SLX4IP: variants seen among roughly 807,000 people sequenced by gnomAD.
SLX4IP encodes SLX4 interacting protein.
A neutral mutation model predicts 32.9 loss-of-function variants in SLX4IP; 34 were observed. The observed-to-expected ratio is 1.03, with a 90% CI of 0.79 to 1.38. SLX4IP has a LOEUF of 1.38. Ranked by LOEUF, SLX4IP falls within the 40% of genes most tolerant of loss-of-function variation. The pLI, the probability that SLX4IP is intolerant of heterozygous loss-of-function variation, is 0.00. For missense variants in SLX4IP, 444 were observed against 479.0 expected (o/e 0.93, Z 0.68); for synonymous variants, 172 against 171.7 (o/e 1.00, Z -0.01).
intron 2 of SLX4IP, among the ~76,000 whole-genome samples, chr20:10,524,862 T>A (rs998873096): frequency 1.3e-5 from 2 of 152,210 alleles, no homozygotes; most frequent in African/African-American, 4.8e-5. Context: ...CAGTCATACT[T>A]GCTTGTTCCT....
intron 2 of SLX4IP, among the ~76,000 whole-genome samples, chr20:10,469,084 T>G (rs1392022335): frequency 6.6e-6 from 1 of 152,184 alleles, no homozygotes; most frequent in Non-Finnish European, 1.5e-5. Context: ...TTTACACATT[T>G]GTGTTGGGCT....
intron 3 of SLX4IP, among the ~76,000 whole-genome samples, chr20:10,560,371 G>A (rs927847768): frequency 2.6e-5 from 4 of 152,162 alleles, no homozygotes; most frequent in African/African-American, 9.7e-5. Context: ...TTATATGAAA[G>A]CATTCTTTAC....
At chr20:10,568,280 G>T (rs1218176780) in intron 4 of SLX4IP, among the ~76,000 whole-genome samples, 1 of 152,184 alleles carries the variant, frequency 6.6e-6, no homozygotes, top group Non-Finnish European at 1.5e-5. Context: ...AGATAATGAA[G>T]TTCCCTGTAG....
intron 2 of SLX4IP, among the ~76,000 whole-genome samples, chr20:10,497,561 C>T (rs576544957): frequency 6.6e-6 from 1 of 152,116 alleles, no homozygotes; most frequent in Non-Finnish European, 1.5e-5. Context: ...TATTTCTGCC[C>T]TATTACTTGT....
At chr20:10,447,138 C>A (rs1339167019) in intron 1 of SLX4IP, among the ~76,000 whole-genome samples, 3 of 152,116 alleles carry the variant, frequency 2.0e-5, no homozygotes, top group Non-Finnish European at 4.4e-5. Context: ...AGTTGTTTGA[C>A]CACAGTTTAT....
At chr20:10,506,376 A>T (rs2065759867) in intron 2 of SLX4IP, among the ~76,000 whole-genome samples, 1 of 152,200 alleles carries the variant, frequency 6.6e-6, no homozygotes, top group Non-Finnish European at 1.5e-5. Flanking sequence ...CTTTATTGAA[A>T]AACCCACATT....
intron 2 of SLX4IP, among the ~76,000 whole-genome samples, chr20:10,513,676 T>G (rs1221453154): frequency 6.6e-6 from 1 of 152,206 alleles, no homozygotes; most frequent in Non-Finnish European, 1.5e-5. Flanking sequence ...CCTCTGGCAT[T>G]CCCAGGGTTT....
rs191696705 is a variant in SLX4IP, at chr20:10,471,299, G to T, written c.27+13068G>T. 5.9e-5 allele frequency among the ~76,000 whole-genome samples: 9 copies of T among 152,280 alleles called. 1 individual carries two copies. Among genetic ancestry groups the T allele is most frequent in the Admixed American group, 5.9e-4 (9 of 15,298 alleles). Reference sequence around the variant, plus strand: ...TTATCCTCATCATGCAAGGCCCTGGGTTAGGCACTATAGACACAGATGAGG... The same window carrying T: ...TTATCCTCATCATGCAAGGCCCTGGTTTAGGCACTATAGACACAGATGAGG... On this transcript the variant is annotated intron_variant, in intron 2 of 7. Coordinates refer to ENST00000334534, the MANE Select transcript of SLX4IP (RefSeq NM_001009608.3).
chr20:10,446,994 G>C (rs575703117), intron 1 of SLX4IP, among the ~76,000 whole-genome samples: 1 of 152,060 alleles, frequency 6.6e-6, no homozygotes, highest in Non-Finnish European at 1.5e-5. Flanking sequence ...ACTCCTTTAT[G>C]ATTTTGAGTT....
Position 10,464,419 on chromosome 20 carries a change from A to T in SLX4IP, c.27+6188A>T, listed in dbSNP as rs142690648. The stretch of plus-strand genomic sequence containing the variant: ...ATGTAGGCTGCGTACAGTGGTTCAC[A>T]TCTGTAATCCCTGCATTTTGGAAGG... On this transcript the variant is annotated intron_variant, in intron 2 of 7. Transcript: ENST00000334534. 4.8e-3 allele frequency among the ~76,000 whole-genome samples: 737 copies of T among 152,316 alleles called. 2 individuals are homozygous for T. Among genetic ancestry groups the T allele is most frequent in the Non-Finnish European group, 8.0e-3 (542 of 68,026 alleles).
At chr20:10,598,609 G>A in intron 4 of SLX4IP, 66 bp from the exon 5 acceptor site, 2 of 1,427,332 alleles carry the variant, frequency 1.4e-6, no homozygotes, top group East Asian at 2.3e-5. Flanking sequence ...GGCAGGCACT[G>A]GGCTGAACTC....
intron 2 of SLX4IP, among the ~76,000 whole-genome samples, chr20:10,494,196 G>A (rs1345265226): frequency 6.6e-6 from 1 of 151,482 alleles, no homozygotes; most frequent in East Asian, 1.9e-4. Context: ...TACTAATCTC[G>A]TTAAATGATG....
chr20:10,546,458 C>G (rs2066163449), intron 2 of SLX4IP, among the ~76,000 whole-genome samples: 1 of 152,078 alleles, frequency 6.6e-6, no homozygotes, highest in African/African-American at 2.4e-5. Flanking sequence ...CTCTGCCCTA[C>G]CTATCTGTAA....
intron 2 of SLX4IP, among the ~76,000 whole-genome samples, chr20:10,520,975 T>A (rs1600957302): frequency 1.3e-5 from 2 of 152,360 alleles, no homozygotes; most frequent in East Asian, 3.9e-4. Context: ...TATATGGCAG[T>A]TCTGGAGGAT....
intron 2 of SLX4IP, among the ~76,000 whole-genome samples, chr20:10,463,803 A>G (rs1015804113): frequency 5.9e-5 from 9 of 152,168 alleles, no homozygotes; most frequent in African/African-American, 2.2e-4. Context: ...TGTTATAGAG[A>G]TGGGGTCTTG....
intron 2 of SLX4IP, among the ~76,000 whole-genome samples, chr20:10,543,350 A>G (rs1168087705): frequency 1.3e-5 from 2 of 152,216 alleles, no homozygotes; most frequent in Non-Finnish European, 2.9e-5. Flanking sequence ...GTAGATGTCT[A>G]TTTGACTCCC....
Position 10,624,684 on chromosome 20 carries a change from A to G in SLX4IP, c.*1305A>G, listed in dbSNP as rs2067153460. On this transcript the variant is annotated 3_prime_UTR_variant, in exon 8 of 8. Coordinates refer to ENST00000334534, the MANE Select transcript of SLX4IP (RefSeq NM_001009608.3). ...GCAGAAAAATCACCCAGAAAAGCCC[A>G]AAACAATGACAAGAGTACAGAAACA... 1 of 152,208 alleles carries G rather than the reference A, an allele frequency of 6.6e-6. No individual in the cohort carries two copies. Among genetic ancestry groups the G allele is most frequent in the East Asian group, 1.9e-4 (1 of 5,202 alleles). The allele number at this position is 152,208 out of a possible 1,614,324, so 9.4% of individuals were successfully genotyped here.
At chr20:10,478,146 G>A (rs1012731717) in intron 2 of SLX4IP, among the ~76,000 whole-genome samples, 6 of 152,134 alleles carry the variant, frequency 3.9e-5, no homozygotes, top group South Asian at 2.1e-4. Context: ...CATTCCACCC[G>A]CCTCAGCCTC....
chr20:10,487,902 G>A (rs1366721727), intron 2 of SLX4IP, among the ~76,000 whole-genome samples: 3 of 152,302 alleles, frequency 2.0e-5, no homozygotes, highest in Non-Finnish European at 4.4e-5. Context: ...TGACCAAATG[G>A]AATGATGATT....
Sources: gnomAD v4.1 joint callset for allele counts (sites outside exome capture counted in the v4.1 genomes callset) on GRCh38, gnomAD v4.1.1 for gene constraint, MANE v1.5 for transcripts, NCBI Gene and HGNC (gene_info 2026-07-23, HGNC 2026-07-21) for gene names.